TBC1D5: variants seen among roughly 807,000 people sequenced by gnomAD.
TBC1D5 encodes the protein TBC1 domain family, member 5.
In TBC1D5, 75 loss-of-function variants were observed where a neutral mutation model predicts 100.3. The observed-to-expected ratio is 0.75, with a 90% confidence interval of 0.62 to 0.91. The LOEUF (loss-of-function observed/expected upper bound fraction) is 0.91, where lower values mean the gene tolerates loss of function less well. TBC1D5 is among the 40% of genes least tolerant of loss of function. The pLI, the probability that TBC1D5 is intolerant of heterozygous loss-of-function variation, is 0.00. For synonymous variants in TBC1D5, 323 were observed against 325.6 expected, an observed-to-expected ratio of 0.99 and a Z score of 0.09; for missense variants, 910 against 942.4, an observed-to-expected ratio of 0.97 and a Z score of 0.45.
intron 3 of TBC1D5, among the ~76,000 whole-genome samples, chr3:17,485,069 T>C (rs1375133123): frequency 6.6e-6 from 1 of 152,144 alleles, no homozygotes; most frequent in Non-Finnish European, 1.5e-5. Flanking sequence ...AATTTTGAAC[T>C]ATGATACTAT....
At chr3:17,391,580 A>G (rs543029437) in intron 8 of TBC1D5, among the ~76,000 whole-genome samples, 95 of 152,178 alleles carry the variant, frequency 6.2e-4, no homozygotes, top group Admixed American at 2.2e-3. Context: ...AAAAATACCT[A>G]AAATATGTGG....
intron 15 of TBC1D5, among the ~76,000 whole-genome samples, chr3:17,263,358 C>T: frequency 1.8e-5 from 2 of 111,092 alleles, no homozygotes; most frequent in Non-Finnish European, 1.8e-5. Context: ...AGAATGAGAC[C>T]CTGTCTCCAA....
At chr3:17,174,966 T>G (rs2067563922) in intron 19 of TBC1D5, among the ~76,000 whole-genome samples, 1 of 152,186 alleles carries the variant, frequency 6.6e-6, no homozygotes, top group Non-Finnish European at 1.5e-5. Context: ...CTGCTACCAC[T>G]AGGGCTGATT....
At chr3:17,160,262 A>G (rs2065917097) in exon 22 of TBC1D5, 1 of 152,236 alleles carries the variant, frequency 6.6e-6, no homozygotes, top group Non-Finnish European at 1.5e-5. Flanking sequence ...TTGGAGATGC[A>G]TTCTTTAATA....
At chr3:17,673,723 C>T (rs915233047) in intron 1 of TBC1D5, among the ~76,000 whole-genome samples, 1 of 152,290 alleles carries the variant, frequency 6.6e-6, no homozygotes, top group Non-Finnish European at 1.5e-5. Flanking sequence ...GGTCTATCTT[C>T]TTTAAAATCA....
At chr3:17,183,764 G>A (rs1196579642) in intron 19 of TBC1D5, among the ~76,000 whole-genome samples, 3 of 152,144 alleles carry the variant, frequency 2.0e-5, no homozygotes, top group African/African-American at 4.8e-5. Context: ...AGGCCAGTAC[G>A]GTTTAGGCTA....
intron 4 of TBC1D5, among the ~76,000 whole-genome samples, chr3:17,425,447 T>C (rs1234651416): frequency 6.6e-6 from 1 of 152,126 alleles, no homozygotes; most frequent in Non-Finnish European, 1.5e-5. Flanking sequence ...GGCAACATGG[T>C]GAAACCCCAT....
chr3:17,719,073 T>C (rs937981361), intron 1 of TBC1D5, among the ~76,000 whole-genome samples: 2 of 152,186 alleles, frequency 1.3e-5, no homozygotes, highest in African/African-American at 4.8e-5. Context: ...AAGATTTGCT[T>C]CCACCAAAGT....
intron 3 of TBC1D5, among the ~76,000 whole-genome samples, chr3:17,462,160 T>C (rs1022485620): frequency 6.6e-6 from 1 of 152,092 alleles, no homozygotes; most frequent in African/African-American, 2.4e-5. Flanking sequence ...GTTACACTTA[T>C]TTTATACTCT....
chr3:17,451,025 G>A (rs988205293), intron 3 of TBC1D5, among the ~76,000 whole-genome samples: 3 of 152,144 alleles, frequency 2.0e-5, no homozygotes, highest in African/African-American at 7.2e-5. Context: ...GACTAACAGC[G>A]GATCTCTCAG....
chr3:17,325,660 A>T lies in TBC1D5; in HGVS notation c.996-17526T>A, dbSNP rs538470986. Among the ~76,000 whole-genome samples the T allele has an allele frequency of 2.6e-5, 4 of 152,308 alleles. No individual in the cohort carries two copies. In the East Asian group the frequency reaches 7.7e-4, roughly 29 times the overall value. On this transcript the variant is annotated intron_variant, in intron 13 of 21. Transcript: ENST00000253692. The stretch of plus-strand genomic sequence containing the variant: ...TCTTAAATGTATTATGCTAAGTGGA[A>T]TAAACAGGAATTAAAAGGCTACATA...
At chr3:17,258,285 T>C (rs2077921394) in intron 16 of TBC1D5, among the ~76,000 whole-genome samples, 2 of 152,184 alleles carry the variant, frequency 1.3e-5, no homozygotes, top group South Asian at 2.1e-4. Flanking sequence ...TAACTTCAAA[T>C]TGTAACAAGT....
chr3:17,686,587 C>T (rs2070316829), intron 1 of TBC1D5, among the ~76,000 whole-genome samples: 1 of 152,102 alleles, frequency 6.6e-6, no homozygotes, highest in Admixed American at 6.6e-5. Flanking sequence ...ATGTATACTG[C>T]CTACAGTGCC....
chr3:17,520,687 A>G (rs1033877821), intron 2 of TBC1D5, among the ~76,000 whole-genome samples: 4 of 152,190 alleles, frequency 2.6e-5, no homozygotes, highest in African/African-American at 7.2e-5. Flanking sequence ...ATAAATAAAT[A>G]TAAGTAAATA....
intron 1 of TBC1D5, among the ~76,000 whole-genome samples, chr3:17,728,693 G>T (rs1004158145): frequency 3.3e-5 from 5 of 151,864 alleles, no homozygotes; most frequent in African/African-American, 1.2e-4. Flanking sequence ...AATAAATTTG[G>T]TTCCTTACTT....
intron 19 of TBC1D5, among the ~76,000 whole-genome samples, chr3:17,169,965 G>A (rs2067008558): frequency 6.6e-6 from 1 of 152,206 alleles, no homozygotes; most frequent in Non-Finnish European, 1.5e-5. Flanking sequence ...TAGGGTTTGC[G>A]ATCCTACCAG....
At chr3:17,682,108 G>A (rs1219762490) in intron 1 of TBC1D5, among the ~76,000 whole-genome samples, 1 of 151,188 alleles carries the variant, frequency 6.6e-6, no homozygotes, top group Non-Finnish European at 1.5e-5. Flanking sequence ...AAAAAGGTTG[G>A]GAACTGCTGA....
chr3:17,718,735 C>A (rs929621239), intron 1 of TBC1D5, among the ~76,000 whole-genome samples: 14 of 152,150 alleles, frequency 9.2e-5, no homozygotes, highest in Non-Finnish European at 1.8e-4. Context: ...AAACTCTGCA[C>A]CAATTAAACA....
At chr3:17,457,653 T>C (rs948208132) in intron 3 of TBC1D5, among the ~76,000 whole-genome samples, 1 of 152,230 alleles carries the variant, frequency 6.6e-6, no homozygotes, top group African/African-American at 2.4e-5. Flanking sequence ...ATATATGTCA[T>C]ATCTGCATTT....
Sources: allele counts gnomAD v4.1 joint callset (sites outside exome capture counted in the v4.1 genomes callset), GRCh38; gene constraint gnomAD v4.1.1; transcripts MANE v1.5; gene names NCBI Gene and HGNC (gene_info 2026-07-23, HGNC 2026-07-21).